The following KLF12 variants were observed in gnomAD, a reference collection of about 807,000 sequenced individuals.
The protein encoded by KLF12 is KLF transcription factor 12, also known as Krueppel-like factor 12.
In KLF12, 9 loss-of-function variants were observed where a neutral mutation model predicts 37.8. The ratio of observed to expected loss-of-function variants is 0.24; its 90% CI spans 0.14 to 0.42. KLF12 has a LOEUF of 0.42. Among genes scored for constraint, KLF12 ranks in the 10% least tolerant of loss-of-function variants. KLF12 has a pLI of 1.00. For synonymous variants in KLF12, 208 were observed against 202.1 expected (o/e 1.03, Z -0.25); for missense variants, 411 against 516.0 (o/e 0.80, Z 1.97).
chr13:74,282,250 C>A, the KLF12 span, among the ~76,000 whole-genome samples: 1 of 152,174 alleles, frequency 6.6e-6, no homozygotes, highest in Non-Finnish European at 1.5e-5. Flanking sequence ...ATTTAATATT[C>A]ATCTTCAGAG....
At chr13:74,029,120 T>C (rs1047790803) in intron 1 of KLF12, among the ~76,000 whole-genome samples, 34 of 152,172 alleles carry the variant, frequency 2.2e-4, no homozygotes, top group African/African-American at 7.0e-4. Context: ...AAAGATTACA[T>C]GGAGGATATC....
intron 3 of KLF12, among the ~76,000 whole-genome samples, chr13:73,887,745 T>C (rs1887301597): frequency 6.6e-6 from 1 of 152,166 alleles, no homozygotes. Context: ...ACACAAATTA[T>C]TCCTGTTCAT....
chr13:74,110,570 A>G (rs1313996306), intron 1 of KLF12, among the ~76,000 whole-genome samples: 1 of 152,128 alleles, frequency 6.6e-6, no homozygotes, highest in Non-Finnish European at 1.5e-5. Flanking sequence ...CTCCCAACAA[A>G]TGCAAAACAG....
chr13:74,189,713 G>A, the KLF12 span, among the ~76,000 whole-genome samples: 1 of 152,020 alleles, frequency 6.6e-6, no homozygotes, highest in Non-Finnish European at 1.5e-5. Flanking sequence ...TCATATATAA[G>A]TAACATATAC....
At chr13:74,022,024 C>T (rs561467992) in intron 1 of KLF12, among the ~76,000 whole-genome samples, 2 of 152,062 alleles carry the variant, frequency 1.3e-5, no homozygotes, top group Non-Finnish European at 2.9e-5. Context: ...AGGATGAAGG[C>T]GGCTTTCATT....
the KLF12 span, among the ~76,000 whole-genome samples, chr13:74,168,958 C>T: frequency 6.6e-6 from 1 of 152,136 alleles, no homozygotes; most frequent in South Asian, 2.1e-4. Flanking sequence ...CCTTGCGTTT[C>T]CTGGCTGTGC....
intron 1 of KLF12, among the ~76,000 whole-genome samples, chr13:74,120,572 A>G (rs867729739): frequency 3.6e-4 from 55 of 152,194 alleles, no homozygotes; most frequent in African/African-American, 1.2e-3. Flanking sequence ...ATCTACATAA[A>G]GAAATAAAAA....
chr13:73,817,493 GAACTAC>G (rs1262974412), intron 4 of KLF12, among the ~76,000 whole-genome samples: 1 of 152,158 alleles, frequency 6.6e-6, no homozygotes, highest in South Asian at 2.1e-4. Context: ...TGATGGAGAT[GAACTAC>G]AACTACAATT....
chr13:74,207,195 C>T, the KLF12 span, among the ~76,000 whole-genome samples: 1 of 152,158 alleles, frequency 6.6e-6, no homozygotes, highest in Admixed American at 6.5e-5. Context: ...AAGCATTAGT[C>T]CATTCATGAG....
chr13:73,942,922 G>C (rs913962884), intron 3 of KLF12, among the ~76,000 whole-genome samples: 1 of 152,164 alleles, frequency 6.6e-6, no homozygotes, highest in Non-Finnish European at 1.5e-5. Flanking sequence ...CAGGTATGCA[G>C]AAGTTATTGA....
chr13:73,881,397 T>G (rs1288644731), intron 3 of KLF12, among the ~76,000 whole-genome samples: 1 of 152,108 alleles, frequency 6.6e-6, no homozygotes. Flanking sequence ...AGCTAAAAAT[T>G]TTCAACTTAT....
At chr13:73,743,721 A>AT (rs1878171535) in intron 6 of KLF12, among the ~76,000 whole-genome samples, 1 of 152,348 alleles carries the variant, frequency 6.6e-6, no homozygotes, top group South Asian at 2.1e-4. Context: ...CAAGAAGTAG[A>AT]TTTTAACTCC....
At chr13:74,135,389 C>T (rs1349473920), upstream of KLF12, among the ~76,000 whole-genome samples, 2 of 151,944 alleles carry the variant, frequency 1.3e-5, no homozygotes, top group Non-Finnish European at 1.5e-5. Flanking sequence ...AAGCGGACGG[C>T]CCGGAGCCGA....
chr13:74,209,672 T>C, the KLF12 span, among the ~76,000 whole-genome samples: 1 of 152,144 alleles, frequency 6.6e-6, no homozygotes, highest in Admixed American at 6.6e-5. Flanking sequence ...AAAAGGATTG[T>C]AGGTTGTTCA....
At chr13:73,942,865 A>G (rs1890249160) in intron 3 of KLF12, among the ~76,000 whole-genome samples, 1 of 152,204 alleles carries the variant, frequency 6.6e-6, no homozygotes, top group South Asian at 2.1e-4. Flanking sequence ...CTTACACTGA[A>G]AAACAGAAAT....
chr13:74,137,735 A>G (rs118130492), upstream of KLF12, among the ~76,000 whole-genome samples: 4,764 of 152,114 alleles, frequency 0.031, 130 homozygotes, highest in Middle Eastern at 0.075. Flanking sequence ...GGTTAGAAAA[A>G]TCTTTTTTTA....
At chr13:73,796,940 A>T (rs925893839) in intron 5 of KLF12, among the ~76,000 whole-genome samples, 1 of 152,152 alleles carries the variant, frequency 6.6e-6, no homozygotes, top group African/African-American at 2.4e-5. Context: ...AAAAAAGAAC[A>T]CGATTCCATA....
At chr13:74,119,923 T>TA (rs1312449453) in intron 1 of KLF12, among the ~76,000 whole-genome samples, 4 of 136,046 alleles carry the variant, frequency 2.9e-5, no homozygotes, top group African/African-American at 1.1e-4. Flanking sequence ...AAACCAAAGT[T>TA]AAAGAAAAAA....
chr13:73,826,108 G>T (rs774663702), intron 4 of KLF12, among the ~76,000 whole-genome samples: 4 of 151,996 alleles, frequency 2.6e-5, no homozygotes, highest in African/African-American at 4.8e-5. Context: ...GAGTAGCTGG[G>T]ACTACAGGCG....
Sources: gnomAD v4.1 joint callset for allele counts (sites outside exome capture counted in the v4.1 genomes callset) on GRCh38, gnomAD v4.1.1 for gene constraint, MANE v1.5 for transcripts, NCBI Gene and HGNC (gene_info 2026-07-23, HGNC 2026-07-21) for gene names.